KLHL23: variants seen among roughly 807,000 people sequenced by gnomAD.
The protein encoded by KLHL23 is kelch like family member 23, also known as kelch-like protein 23.
Under a neutral mutation model 48.9 loss-of-function variants are expected in KLHL23, and 33 were observed. The observed-to-expected ratio is 0.67, with a 90% CI of 0.51 to 0.90. KLHL23 has a LOEUF of 0.90. Ranked by LOEUF, KLHL23 falls within the 40% of genes least tolerant of loss-of-function variation. The probability of loss-of-function intolerance (pLI) is 0.00; values close to 1 mark genes in which losing one functional copy is unlikely to be tolerated. For missense variants in KLHL23, 608 were observed against 669.6 expected, an observed-to-expected ratio of 0.91 and a Z score of 1.02; for synonymous variants, 234 against 231.6, an observed-to-expected ratio of 1.01 and a Z score of -0.09.
intron 2 of KLHL23, among the ~76,000 whole-genome samples, chr2:169,738,649 A>G (rs931343483): frequency 6.6e-6 from 1 of 152,032 alleles, no homozygotes; most frequent in Non-Finnish European, 1.5e-5. Context: ...TTTTTCCATC[A>G]TAACTGCTCT....
chr2:169,734,461 A>G (rs974185332), intron 1 of KLHL23, among the ~76,000 whole-genome samples: 2 of 150,478 alleles, frequency 1.3e-5, no homozygotes, highest in African/African-American at 2.4e-5. Flanking sequence ...GGCGCGGGGG[A>G]GGGGGCGAGG....
At chr2:169,737,507 C>T (rs1044430130) in intron 2 of KLHL23, among the ~76,000 whole-genome samples, 32 of 152,236 alleles carry the variant, frequency 2.1e-4, no homozygotes, top group African/African-American at 6.7e-4. Context: ...AAGAAAAGTC[C>T]ATATATTTAA....
chr2:169,737,959 A>G (rs1419427518), intron 2 of KLHL23, among the ~76,000 whole-genome samples: 4 of 152,224 alleles, frequency 2.6e-5, no homozygotes, highest in Admixed American at 2.0e-4. Context: ...TTAAAAATTT[A>G]TATTTAGAAC....
chr2:169,734,192 A>T (rs1688452871), intron 1 of KLHL23, 105 bp downstream of exon 1: 3 of 145,864 alleles, frequency 2.1e-5, no homozygotes, highest in Non-Finnish European at 4.6e-5. Flanking sequence ...GGGCGCGGGC[A>T]GCGAGGCCGC....
Position 169,751,463 on chromosome 2 carries a change from C to T in KLHL23, c.*1731C>T, listed in dbSNP as rs2105664539. On this transcript the variant is annotated 3_prime_UTR_variant, in exon 4 of 4. Coordinates refer to ENST00000392647, the MANE Select transcript of KLHL23 (RefSeq NM_144711.6). ...ACATAGCAAGGGCTGTAAAAATGAC[C>T]ATATCCTTTGCCCCATAAATTCTAC... 6.6e-6 allele frequency: 1 copy of T among 152,228 alleles called. No homozygotes were observed. Among genetic ancestry groups the T allele is most frequent in the Middle Eastern group, 3.4e-3 (1 of 294 alleles). The allele number at this position is 152,228 out of a possible 1,614,324, so 9.4% of individuals were successfully genotyped here.
In KLHL23 at chr2:169,750,041, A is replaced by ATGCG. The variant is rs1688922779; in HGVS notation, c.*310_*311insGCGT. ...TATGTATGTATACATATGTGTATAT[A>ATGCG]TAGTATGTATGTATACATGTATGTG... is the stretch of plus-strand genomic sequence containing the variant. On this transcript the variant is annotated 3_prime_UTR_variant, in exon 4 of 4. Transcript: ENST00000392647. 1 of 33,154 alleles carries ATGCG rather than the reference A, an allele frequency of 3.0e-5. No homozygotes were observed. The highest frequency in any genetic ancestry group is 3.6e-4 in the Admixed American group (1 of 2,796). The allele number at this position is 33,154 out of a possible 1,614,324, so 2.1% of individuals were successfully genotyped here.
chr2:169,739,029 C>T (rs1045426124), intron 2 of KLHL23, among the ~76,000 whole-genome samples: 52 of 104,632 alleles, frequency 5.0e-4, no homozygotes, highest in African/African-American at 2.0e-3. Flanking sequence ...CTCCCTCCTT[C>T]TGCCTTCTTC....
chr2:169,735,675 A>T lies in KLHL23; in HGVS notation c.661A>T (p.Asn221Tyr). ...DVENRIECLY[N>Y]LLSYINIDID... is the part of the protein sequence containing the mutation. ...AGAAAATCGAATTGAATGCCTCTATAATCTACTGAGCTATATCAACATTGA... is the reference window on the plus strand; with the variant it reads ...AGAAAATCGAATTGAATGCCTCTATTATCTACTGAGCTATATCAACATTGA... The change falls in exon 2 of 4, where the codon AAT (asparagine) becomes TAT (tyrosine). Residue 221 changes from asparagine to tyrosine, a missense_variant. Asn to Tyr is a moderately radical substitution (Grantham distance 143). This residue lies in a region of KLHL23 where 419 missense variants were observed against 473.1 expected (regional missense o/e 0.89). Transcript: ENST00000392647. The surrounding 1 kb of genome is among the most constrained non-coding windows in gnomAD (Gnocchi z 4.5). The T allele has an allele frequency of 3.7e-6, 6 of 1,614,012 alleles. No individual in the cohort carries two copies. Among genetic ancestry groups the T allele is most frequent in the Non-Finnish European group, 5.1e-6 (6 of 1,180,028 alleles).
chr2:169,742,033 TA>T (rs1292427921), intron 3 of KLHL23, among the ~76,000 whole-genome samples: 12 of 152,244 alleles, frequency 7.9e-5, no homozygotes, highest in Admixed American at 7.2e-4. Context: ...GGCCTTACCT[TA>T]ACACTCATAC....
Position 169,741,283 on chromosome 2 carries a change from T to G in KLHL23, c.1214-102T>G. 8 of 1,463,104 alleles carry G rather than the reference T, an allele frequency of 5.5e-6. No individual in the cohort carries two copies. The South Asian group carries it at 9.7e-5, about 18-fold the overall frequency. The allele number at this position is 1,463,104 out of a possible 1,614,324, so 90.6% of individuals were successfully genotyped here. A position where few individuals can be genotyped will look rare whatever the true frequency, so the allele number is the denominator to read the frequency against. On this transcript the variant is annotated intron_variant, in intron 2 of 3. Transcript: ENST00000392647. ...AGCACTTAGCACAGTACCTTGCATT[T>G]TACCATCAGTAATAACAAAAACAAC...
chr2:169,748,311 G>A (rs918977019), intron 3 of KLHL23, among the ~76,000 whole-genome samples: 12 of 152,208 alleles, frequency 7.9e-5, no homozygotes, highest in African/African-American at 2.9e-4. Context: ...GAGACCTGGG[G>A]AGAGGAGAGA....
At chr2:169,748,796 C>T (rs1450952658) in intron 3 of KLHL23, among the ~76,000 whole-genome samples, 3 of 143,620 alleles carry the variant, frequency 2.1e-5, no homozygotes, top group Non-Finnish European at 3.1e-5. Flanking sequence ...CATATACATA[C>T]TTCCAGCCCC....
intron 2 of KLHL23, among the ~76,000 whole-genome samples, chr2:169,739,280 A>G (rs982862656): frequency 6.6e-6 from 1 of 151,830 alleles, no homozygotes; most frequent in African/African-American, 2.4e-5. Flanking sequence ...CTGGCCAGTA[A>G]CTAGATCTTT....
In KLHL23 at chr2:169,749,986, C is replaced by CGTTT. The variant is rs1553478052; in HGVS notation, c.*256_*257insTTGT. On this transcript the variant is annotated 3_prime_UTR_variant, in exon 4 of 4. Coordinates refer to ENST00000392647, the MANE Select transcript of KLHL23 (RefSeq NM_144711.6). ...GTATACATATATATGTGTATATATA[C>CGTTT]GTATGTATACATATATGTGTATATA... 9.8e-3 allele frequency: 954 copies of CGTTT among 97,664 alleles called. 75 individuals carry two copies. The highest frequency in any genetic ancestry group is 0.052 in the African/African-American group (896 of 17,226). The allele number at this position is 97,664 out of a possible 1,614,324, so 6.0% of individuals were successfully genotyped here.
intron 2 of KLHL23, among the ~76,000 whole-genome samples, chr2:169,738,049 G>C (rs2105642944): frequency 6.6e-6 from 1 of 152,332 alleles, no homozygotes; most frequent in African/African-American, 2.4e-5. Flanking sequence ...CGTTAACCTT[G>C]AGTGGAGTAG....
Position 169,751,866 on chromosome 2 carries a change from A to G in KLHL23, c.*2134A>G, listed in dbSNP as rs1688975885. 6.9e-6 allele frequency: 1 copy of G among 144,052 alleles called. No individual in the cohort carries two copies. The highest frequency in any genetic ancestry group is 2.3e-4 in the South Asian group (1 of 4,288). The allele number at this position is 144,052 out of a possible 1,614,324, so 8.9% of individuals were successfully genotyped here. Reference sequence around the variant, plus strand: ...ATATTACTTTGTATTTTCAATAAAAATAAATCACTGTACATAGTAAGACTG... The same window carrying G: ...ATATTACTTTGTATTTTCAATAAAAGTAAATCACTGTACATAGTAAGACTG... On this transcript the variant is annotated 3_prime_UTR_variant, in exon 4 of 4. Coordinates refer to ENST00000392647, the MANE Select transcript of KLHL23 (RefSeq NM_144711.6).
At position 169,750,060 on chromosome 2, in the gene KLHL23, G is replaced by GTGTATATATACACGTATGTATACATA. The variant is rs1688927693; in HGVS notation, c.*329_*330insGTATATATACACGTATGTATACATAT. The GTGTATATATACACGTATGTATACATA allele has an allele frequency of 4.9e-5, 1 of 20,248 alleles. No individual in the cohort carries two copies. The highest frequency in any genetic ancestry group is 1.5e-4 in the African/African-American group (1 of 6,552). 1.3% of individuals were successfully genotyped at this position (20,248 alleles called of 1,614,324 possible). On this transcript the variant is annotated 3_prime_UTR_variant, in exon 4 of 4. Coordinates refer to ENST00000392647, the MANE Select transcript of KLHL23 (RefSeq NM_144711.6). ...GTATATATAGTATGTATGTATACAT[G>GTGTATATATACACGTATGTATACATA]TATGTGTATATATACGTATGTATGT...
chr2:169,735,063 A>T lies in KLHL23; in HGVS notation c.49A>T (p.Thr17Ser). Residue 17 changes from threonine (T) to serine (S), a missense_variant, in exon 2 of 4, where the codon ACA (threonine) becomes TCA (serine). By Grantham distance (58) the Thr-to-Ser change is moderately conservative. This residue lies in a region of KLHL23 where 419 missense variants were observed against 473.1 expected (regional missense o/e 0.89). Transcript: ENST00000392647. This position sits in a 1 kb window ranked among gnomAD's most constrained non-coding sequence, Gnocchi z 4.5. The stretch of plus-strand genomic sequence containing the variant: ...TTATATTTATCTTTTCAAGGATTCA[A>T]CACATCCAGTGGATTTTCTGGATGC... ...EDYIYLFKDS[T>S]HPVDFLDAFR... The T allele has an allele frequency of 6.3e-7, 1 of 1,591,362 alleles. No individual in the cohort carries two copies. Among genetic ancestry groups the T allele is most frequent in the Non-Finnish European group, 8.5e-7 (1 of 1,173,166 alleles).
intron 3 of KLHL23, among the ~76,000 whole-genome samples, chr2:169,744,356 C>T (rs1688741817): frequency 6.6e-6 from 1 of 152,066 alleles, no homozygotes; most frequent in African/African-American, 2.4e-5. Flanking sequence ...AGAATGGCCC[C>T]AAATAAGGAA....
Sources: gnomAD v4.1 joint callset for allele counts (sites outside exome capture counted in the v4.1 genomes callset) on GRCh38, gnomAD v4.1.1 for gene constraint, gnomAD v4.1.1 regional missense constraint, Gnocchi (gnomAD v3.1) non-coding constraint, MANE v1.5 for transcripts, NCBI Gene and HGNC (gene_info 2026-07-23, HGNC 2026-07-21) for gene names.